Variants in ZNF285 observed in about 807,000 individuals in gnomAD.
The protein encoded by ZNF285 is zinc finger protein 285A.
ZNF285 carries 4 observed loss-of-function variants against 6.2 expected under a neutral mutation model. The ratio of observed to expected loss-of-function variants is 0.65; its 90% CI spans 0.32 to 1.49. The LOEUF (loss-of-function observed/expected upper bound fraction) is 1.49. ZNF285 is among the 40% of genes most tolerant of loss of function. The pLI, the probability that ZNF285 is intolerant of heterozygous loss-of-function variation, is 0.07. For synonymous variants in ZNF285, 240 were observed against 245.8 expected (o/e 0.98, Z 0.22); for missense variants, 695 against 708.8 (o/e 0.98, Z 0.22).
Position 44,384,274 on chromosome 19 carries a change from C to T in ZNF285, c.*2198G>A, listed in dbSNP as rs1378463866. 1 of 152,166 alleles carries T rather than the reference C, an allele frequency of 6.6e-6. No individual in the cohort carries two copies. Among genetic ancestry groups the T allele is most frequent in the Non-Finnish European group, 1.5e-5 (1 of 68,028 alleles). The allele number at this position is 152,166 out of a possible 1,614,324, so 9.4% of individuals were successfully genotyped here. Reference sequence around the variant, plus strand: ...TCTTCTCATTGCAAAATTCTTAGAACATATTTCTTTCTGAAACCATATTTT... The same window carrying T: ...TCTTCTCATTGCAAAATTCTTAGAATATATTTCTTTCTGAAACCATATTTT... On this transcript the variant is annotated 3_prime_UTR_variant, in exon 4 of 4. Transcript: ENST00000614994.
chr19:44,386,365 T>C lies in ZNF285; in HGVS notation c.*107A>G, dbSNP rs540835537. On this transcript the variant is annotated 3_prime_UTR_variant, in exon 4 of 4. Coordinates refer to ENST00000614994, the MANE Select transcript of ZNF285 (RefSeq NM_152354.6). Reference sequence around the variant, plus strand: ...TGCAGGCTGACATTATCGATGGCAGTGTCCCTGTCTTTTGCTCCCCTAGCC... The same window carrying C: ...TGCAGGCTGACATTATCGATGGCAGCGTCCCTGTCTTTTGCTCCCCTAGCC... 1.5e-4 allele frequency: 179 copies of C among 1,185,884 alleles called. No homozygotes were observed. The highest frequency in any genetic ancestry group is 6.0e-4 in the East Asian group (24 of 39,720). 73.5% of individuals were successfully genotyped at this position (1,185,884 alleles called of 1,614,324 possible). A position where few individuals can be genotyped will look rare whatever the true frequency, so the allele number is the denominator to read the frequency against.
At position 44,386,009 on chromosome 19, in the gene ZNF285, C is replaced by T. The variant is rs567306684; in HGVS notation, c.*463G>A. The stretch of plus-strand genomic sequence containing the variant: ...CCTGTGTAGAGAATCTCATGGAAAA[C>T]CTGGGTACTAACGTTCTTTCATAGT... On this transcript the variant is annotated 3_prime_UTR_variant, in exon 4 of 4. Transcript: ENST00000614994. 6.2e-6 allele frequency: 1 copy of T among 162,446 alleles called. No individual in the cohort carries two copies. The highest frequency in any genetic ancestry group is 2.4e-5 in the African/African-American group (1 of 41,570). The allele number at this position is 162,446 out of a possible 1,614,324, so 10.1% of individuals were successfully genotyped here.
chr19:44,395,023 C>A (rs1971257014), intron 2 of ZNF285, among the ~76,000 whole-genome samples: 1 of 152,172 alleles, frequency 6.6e-6, no homozygotes. Context: ...ATTCTCCCTT[C>A]TCTGCCTCAG....
chr19:44,391,487 C>T (rs1971195950), intron 3 of ZNF285, among the ~76,000 whole-genome samples: 1 of 151,984 alleles, frequency 6.6e-6, no homozygotes, highest in African/African-American at 2.4e-5. Flanking sequence ...GCTGGGGAGG[C>T]CTCACAATCA....
At chr19:44,395,525 A>T (rs1191789596) in intron 2 of ZNF285, among the ~76,000 whole-genome samples, 7 of 152,204 alleles carry the variant, frequency 4.6e-5, no homozygotes, top group Admixed American at 3.3e-4. Flanking sequence ...CTGTTAAAAA[A>T]TTTTTTGAGA....
chr19:44,390,045 T>C (rs188686844), intron 3 of ZNF285, among the ~76,000 whole-genome samples: 86 of 152,246 alleles, frequency 5.6e-4, no homozygotes, highest in African/African-American at 2.0e-3. Flanking sequence ...AATCTCTTCT[T>C]GAATTGTAAC....
chr19:44,387,202 T>A lies in ZNF285; in HGVS notation c.1043A>T (p.Glu348Val), dbSNP rs145215668. Reference protein sequence around the residue: ...HTGEMPYKCDECGKGFGFRSL... With the variant: ...HTGEMPYKCDVCGKGFGFRSL... ...CCTAAATCCAAACCCTTTCCCACATTCATCGCATTTGTAGGGCATCTCCCC... is the reference window on the plus strand; with the variant it reads ...CCTAAATCCAAACCCTTTCCCACATACATCGCATTTGTAGGGCATCTCCCC... The change falls in exon 4 of 4, where the codon GAA (glutamate) becomes GTA (valine). Residue 348 changes from glutamate (E) to valine (V), a missense_variant. Transcript: ENST00000614994. The A allele has an allele frequency of 3.1e-6, 5 of 1,612,702 alleles. No individual in the cohort carries two copies. Among genetic ancestry groups the A allele is most frequent in the Non-Finnish European group, 4.2e-6 (5 of 1,179,680 alleles).
rs1421724397 is a variant in ZNF285, at chr19:44,384,462, C to T, written c.*2010G>A. ...CCAACTTATGTAAGAACACTCATTT[C>T]CTCATTTCTACTGACATAGAATTTT... On this transcript the variant is annotated 3_prime_UTR_variant, in exon 4 of 4. Coordinates refer to ENST00000614994, the MANE Select transcript of ZNF285 (RefSeq NM_152354.6). 6.6e-6 allele frequency: 1 copy of T among 152,168 alleles called. No homozygotes were observed. The highest frequency in any genetic ancestry group is 1.5e-5 in the Non-Finnish European group (1 of 68,024). 9.4% of individuals were successfully genotyped at this position (152,168 alleles called of 1,614,324 possible). A position where few individuals can be genotyped will look rare whatever the true frequency, so the allele number is the denominator to read the frequency against.
At position 44,388,251 on chromosome 19, in the gene ZNF285, G is replaced by A. The variant is rs1971132985; in HGVS notation, c.143-149C>T. The A allele has an allele frequency of 2.0e-5, 15 of 734,206 alleles. 2 individuals are homozygous for A. The South Asian group carries it at 2.9e-4, about 14-fold the overall frequency. The allele number at this position is 734,206 out of a possible 1,614,324, so 45.5% of individuals were successfully genotyped here. ...GAGCCACGGTAATTCTAACCTGTGA[G>A]CTGCCAATTAGAAATCAAGTGTTGT... On this transcript the variant is annotated intron_variant, in intron 3 of 3. Coordinates refer to ENST00000614994, the MANE Select transcript of ZNF285 (RefSeq NM_152354.6).
At position 44,383,609 on chromosome 19, in the gene ZNF285, C is replaced by T. The variant is rs1568381364; in HGVS notation, c.*2863G>A. 1 of 152,230 alleles carries T rather than the reference C, an allele frequency of 6.6e-6. No homozygotes were observed. Among genetic ancestry groups the T allele is most frequent in the Non-Finnish European group, 1.5e-5 (1 of 68,060 alleles). 9.4% of individuals were successfully genotyped at this position (152,230 alleles called of 1,614,324 possible). ...AGCTAAGCCCAGTTGAACTTGCCAGCTCACACATCATGAGCTAAATAAATA... is the reference window on the plus strand; with the variant it reads ...AGCTAAGCCCAGTTGAACTTGCCAGTTCACACATCATGAGCTAAATAAATA... On this transcript the variant is annotated 3_prime_UTR_variant, in exon 4 of 4. Coordinates refer to ENST00000614994, the MANE Select transcript of ZNF285 (RefSeq NM_152354.6).
chr19:44,395,936 A>G (rs2123284152), intron 2 of ZNF285, among the ~76,000 whole-genome samples: 1 of 152,244 alleles, frequency 6.6e-6, no homozygotes, highest in Non-Finnish European at 1.5e-5. Context: ...GGTCCAGGCC[A>G]TAACCATTGA....
rs1248787486 is a variant in ZNF285, at chr19:44,382,885, C to A, written c.*3587G>T. On this transcript the variant is annotated 3_prime_UTR_variant, in exon 4 of 4. Coordinates refer to ENST00000614994, the MANE Select transcript of ZNF285 (RefSeq NM_152354.6). ...ACACCTCCCATCAGGAAGAGAAAGC[C>A]GCTGGGAAGTTGAGTTCATGTAAAG... The A allele has an allele frequency of 5.9e-5, 9 of 152,112 alleles. No individual in the cohort carries two copies. The highest frequency in any genetic ancestry group is 1.0e-4 in the Non-Finnish European group (7 of 68,036). The allele number at this position is 152,112 out of a possible 1,614,324, so 9.4% of individuals were successfully genotyped here.
Position 44,386,526 on chromosome 19 carries a change from A to G in ZNF285, c.1719T>C (p.Arg573=), listed in dbSNP as rs1168754185. The G allele has an allele frequency of 6.2e-7, 1 of 1,613,994 alleles. No individual in the cohort carries two copies. Among genetic ancestry groups the G allele is most frequent in the African/African-American group, 1.3e-5 (1 of 75,016 alleles). The part of the protein sequence containing the change: ...IDETQYTHCE[R]GKDLLTHQRL... The stretch of plus-strand genomic sequence containing the variant: ...TTTGATGAGTCAGAAGGTCCTTTCC[A>G]CGCTCACAGTGTGTGTACTGTGTCT... Residue 573 remains arginine (R), a synonymous_variant, in exon 4 of 4, where the codon CGT becomes CGC. Transcript: ENST00000614994.
At chr19:44,397,623 A>C (rs191479217) in intron 1 of ZNF285, among the ~76,000 whole-genome samples, 1 of 152,120 alleles carries the variant, frequency 6.6e-6, no homozygotes, top group East Asian at 1.9e-4. Flanking sequence ...AGTGGCTCAC[A>C]CCTGTAATCC....
At chr19:44,393,231 ATGTG>A (rs1162841379) in intron 2 of ZNF285, among the ~76,000 whole-genome samples, 6 of 152,020 alleles carry the variant, frequency 3.9e-5, no homozygotes, top group Admixed American at 6.5e-5. Flanking sequence ...AAATATAGAC[ATGTG>A]TGTGTATATA....
chr19:44,386,490 C>T lies in ZNF285; in HGVS notation c.1755G>A (p.Glu585=), dbSNP rs138364822. The part of the protein sequence containing the change: ...KDLLTHQRLH[E]QRETL ...ACTACATTTATAATGTTTCTCTCTG[C>T]TCATGTAGTCTTTGATGAGTCAGAA... Residue 585 remains glutamate, a synonymous_variant, in exon 4 of 4, where the codon GAG becomes GAA. Transcript: ENST00000614994. 6.2e-7 allele frequency: 1 copy of T among 1,612,640 alleles called. No homozygotes were observed. The highest frequency in any genetic ancestry group is 2.2e-5 in the East Asian group (1 of 44,832).
At position 44,388,050 on chromosome 19, in the gene ZNF285, G is replaced by A. The variant is rs1971128035; in HGVS notation, c.195C>T (p.Tyr65=). 3 of 1,613,934 alleles carry A rather than the reference G, an allele frequency of 1.9e-6. No individual in the cohort carries two copies. The highest frequency in any genetic ancestry group is 2.2e-5 in the East Asian group (1 of 44,882). Residue 65 remains tyrosine, a synonymous_variant, in exon 4 of 4, where the codon TAC becomes TAT. Coordinates refer to ENST00000614994, the MANE Select transcript of ZNF285 (RefSeq NM_152354.6). The part of the protein sequence containing the change: ...ILNLQAKGLS[Y]LSQEVLHCWQ... Reference sequence around the variant, plus strand: ...AGCAATGAAGCACTTCTTGCGAAAGGTAACTTAACCCCTTTGCCTGAAGAT... The same window carrying A: ...AGCAATGAAGCACTTCTTGCGAAAGATAACTTAACCCCTTTGCCTGAAGAT...
At position 44,383,383 on chromosome 19, in the gene ZNF285, T is replaced by C. The variant is rs1398417529; in HGVS notation, c.*3089A>G. ...TGAGGCCTTAAGAGATCACAGCTTT[T>C]GCCCTTGAAACCCTGGCACTATGGG... On this transcript the variant is annotated 3_prime_UTR_variant, in exon 4 of 4. Coordinates refer to ENST00000614994, the MANE Select transcript of ZNF285 (RefSeq NM_152354.6). 2 of 152,218 alleles carry C rather than the reference T, an allele frequency of 1.3e-5. No individual in the cohort carries two copies. Among genetic ancestry groups the C allele is most frequent in the African/African-American group, 4.8e-5 (2 of 41,440 alleles). The allele number at this position is 152,218 out of a possible 1,614,324, so 9.4% of individuals were successfully genotyped here. A position where few individuals can be genotyped will look rare whatever the true frequency, so the allele number is the denominator to read the frequency against.
Position 44,386,351 on chromosome 19 carries a change from A to G in ZNF285, c.*121T>C, listed in dbSNP as rs1011787673. 6 of 1,082,124 alleles carry G rather than the reference A, an allele frequency of 5.5e-6. No homozygotes were observed. In the East Asian group the frequency reaches 1.3e-4, roughly 23 times the overall value. 67.0% of individuals were successfully genotyped at this position (1,082,124 alleles called of 1,614,324 possible). A position where few individuals can be genotyped will look rare whatever the true frequency, so the allele number is the denominator to read the frequency against. ...GCACACTTCAGTGCTGCAGGCTGAC[A>G]TTATCGATGGCAGTGTCCCTGTCTT... On this transcript the variant is annotated 3_prime_UTR_variant, in exon 4 of 4. Transcript: ENST00000614994.
Sources: gnomAD v4.1 joint callset for allele counts (sites outside exome capture counted in the v4.1 genomes callset) on GRCh38, gnomAD v4.1.1 for gene constraint, MANE v1.5 for transcripts, NCBI Gene and HGNC (gene_info 2026-07-23, HGNC 2026-07-21) for gene names.